CFAP299: variants seen among roughly 807,000 people sequenced by gnomAD.
CFAP299 encodes cilia- and flagella-associated protein 299.
CFAP299 carries 21 observed loss-of-function variants against 27.0 expected under a neutral mutation model. That is an observed-to-expected ratio of 0.78 (90% CI 0.55 to 1.12). CFAP299 has a LOEUF of 1.12. Ranked by LOEUF, CFAP299 falls within the 50% of genes most tolerant of loss-of-function variation. CFAP299 has a pLI of 0.00. For missense variants in CFAP299, 310 were observed against 276.6 expected (o/e 1.12, Z -0.86); for synonymous variants, 104 against 98.1 (o/e 1.06, Z -0.36).
intron 1 of CFAP299, among the ~76,000 whole-genome samples, chr4:80,342,839 T>G (rs776959490): frequency 6.6e-6 from 1 of 152,172 alleles, no homozygotes; most frequent in Non-Finnish European, 1.5e-5. Flanking sequence ...TTAAACTTAA[T>G]GTAAGTGGGC....
chr4:80,592,913 T>G (rs534885009), intron 3 of CFAP299, among the ~76,000 whole-genome samples: 2 of 152,334 alleles, frequency 1.3e-5, no homozygotes, highest in East Asian at 3.9e-4. Context: ...AATTTAGCAA[T>G]CATGTTTACT....
At chr4:80,901,716 A>G (rs571231564) in intron 4 of CFAP299, among the ~76,000 whole-genome samples, 9 of 152,096 alleles carry the variant, frequency 5.9e-5, no homozygotes, top group Non-Finnish European at 2.9e-5. Flanking sequence ...TTTGGCCCCA[A>G]TCACTGCCAG....
chr4:80,388,129 A>AG, intron 2 of CFAP299: 1 of 674,482 alleles, frequency 1.5e-6, no homozygotes, highest in Non-Finnish European at 2.7e-6. Context: ...TGGGATGCCC[A>AG]GGGGGGCCCA....
intron 4 of CFAP299, among the ~76,000 whole-genome samples, chr4:80,940,876 T>A (rs1012144778): frequency 6.6e-6 from 1 of 152,140 alleles, no homozygotes; most frequent in Non-Finnish European, 1.5e-5. Context: ...ATGAAGACAA[T>A]GGTAAATATA....
intron 2 of CFAP299, among the ~76,000 whole-genome samples, chr4:80,471,594 AG>A (rs1343954614): frequency 5.7e-5 from 1 of 17,506 alleles, no homozygotes; most frequent in Non-Finnish European, 1.1e-4. Flanking sequence ...GGGGGGGAGC[AG>A]GGGGGTTGGG....
intron 3 of CFAP299, among the ~76,000 whole-genome samples, chr4:80,583,549 T>A (rs1736278976): frequency 6.6e-6 from 1 of 151,912 alleles, no homozygotes; most frequent in African/African-American, 2.4e-5. Context: ...TGATTTTATG[T>A]GACTTCTAGA....
chr4:80,746,681 T>G (rs1724621660), intron 3 of CFAP299, among the ~76,000 whole-genome samples: 1 of 152,026 alleles, frequency 6.6e-6, no homozygotes, highest in African/African-American at 2.4e-5. Flanking sequence ...AAAATGGCAT[T>G]CACAGTCAAG....
At chr4:80,434,316 G>C (rs1309777689) in intron 2 of CFAP299, among the ~76,000 whole-genome samples, 1 of 152,076 alleles carries the variant, frequency 6.6e-6, no homozygotes, top group African/African-American at 2.4e-5. Context: ...TTAATGAAAG[G>C]ACTCTTGTTT....
intron 5 of CFAP299, among the ~76,000 whole-genome samples, chr4:80,952,980 G>A (rs924074333): frequency 1.1e-4 from 17 of 152,014 alleles, no homozygotes; most frequent in African/African-American, 4.1e-4. Flanking sequence ...ATATGCAGAT[G>A]GTTCCAATTT....
intron 3 of CFAP299, among the ~76,000 whole-genome samples, chr4:80,724,945 C>A (rs1024262161): frequency 7.8e-6 from 1 of 127,458 alleles, no homozygotes; most frequent in South Asian, 2.5e-4. Flanking sequence ...TCCTTCCTTC[C>A]TTCCTTCTTT....
chr4:80,469,112 TC>T (rs1729857807), intron 2 of CFAP299, among the ~76,000 whole-genome samples: 1 of 152,182 alleles, frequency 6.6e-6, no homozygotes, highest in South Asian at 2.1e-4. Flanking sequence ...TAATATGTGG[TC>T]CTTAATCAGC....
chr4:80,373,099 A>G (rs771894767), intron 2 of CFAP299, among the ~76,000 whole-genome samples: 3 of 152,122 alleles, frequency 2.0e-5, no homozygotes, highest in African/African-American at 4.8e-5. Flanking sequence ...ATTTCAGTCA[A>G]TGATCCCTGA....
chr4:80,512,119 C>T (rs1446108472), intron 2 of CFAP299, among the ~76,000 whole-genome samples: 2 of 151,956 alleles, frequency 1.3e-5, no homozygotes, highest in Non-Finnish European at 2.9e-5. Context: ...TGTGCGAAAT[C>T]AGATTAAAAT....
chr4:80,933,642 A>G (rs1013635507), intron 4 of CFAP299, among the ~76,000 whole-genome samples: 7 of 152,000 alleles, frequency 4.6e-5, no homozygotes, highest in African/African-American at 1.4e-4. Flanking sequence ...TAGTGTATAT[A>G]TCTTTCACCT....
At chr4:80,919,960 T>G (rs1735962823) in intron 4 of CFAP299, among the ~76,000 whole-genome samples, 1 of 152,068 alleles carries the variant, frequency 6.6e-6, no homozygotes, top group Non-Finnish European at 1.5e-5. Context: ...TTCTTATAAT[T>G]CTCTAAGAAC....
intron 4 of CFAP299, among the ~76,000 whole-genome samples, chr4:80,892,232 G>A (rs1004881431): frequency 1.1e-4 from 16 of 152,046 alleles, no homozygotes; most frequent in South Asian, 2.1e-4. Context: ...ATTTTCCACC[G>A]TGGTGCCAAA....
rs148104052 is a variant in CFAP299, at chr4:80,363,440, T to C, written c.242+556T>C. On this transcript the variant is annotated intron_variant, in intron 2 of 5. Transcript: ENST00000358105. ...CTGCATCAAACTTGTAAGGCAATTT[T>C]ATAAAGACCTAACTAGTTGACAAAT... 1.4e-4 allele frequency among the ~76,000 whole-genome samples: 21 copies of C among 152,356 alleles called. No individual in the cohort carries two copies. In the East Asian group the frequency reaches 2.7e-3, roughly 20 times the overall value.
chr4:80,570,248 G>T (rs1735517705), intron 2 of CFAP299, among the ~76,000 whole-genome samples: 2 of 151,744 alleles, frequency 1.3e-5, no homozygotes, highest in Non-Finnish European at 2.9e-5. Flanking sequence ...ATTTAAAGTG[G>T]AAAAAAGTCT....
chr4:80,576,411 C>T (rs1735868919), intron 2 of CFAP299, among the ~76,000 whole-genome samples: 2 of 151,626 alleles, frequency 1.3e-5, no homozygotes, highest in Admixed American at 1.3e-4. Context: ...TATCAAAATA[C>T]AGTAAAAACA....
Sources: gnomAD v4.1 joint callset for allele counts (sites outside exome capture counted in the v4.1 genomes callset) on GRCh38, gnomAD v4.1.1 for gene constraint, MANE v1.5 for transcripts, NCBI Gene and HGNC (gene_info 2026-07-23, HGNC 2026-07-21) for gene names.